ARSG: variants seen among roughly 807,000 people sequenced by gnomAD.
ARSG encodes the protein arylsulfatase G.
A neutral mutation model predicts 50.5 loss-of-function variants in ARSG; 37 were observed. That is an observed-to-expected ratio of 0.73 (90% CI 0.56 to 0.96). The LOEUF (loss-of-function observed/expected upper bound fraction) is 0.96. Ranked by LOEUF, ARSG falls within the 50% of genes least tolerant of loss-of-function variation. The probability of loss-of-function intolerance (pLI) is 0.00; values close to 1 mark genes in which losing one functional copy is unlikely to be tolerated. For synonymous variants in ARSG, 225 were observed against 254.6 expected, an observed-to-expected ratio of 0.88 and a Z score of 1.11; for missense variants, 629 against 675.3, an observed-to-expected ratio of 0.93 and a Z score of 0.76.
the ARSG span, chr17:68,436,550 T>C: frequency 1.4e-6 from 2 of 1,436,716 alleles, no homozygotes; most frequent in Admixed American, 3.5e-5. Flanking sequence ...AGAGGGCATC[T>C]GAAAACAGTA....
intron 1 of ARSG, among the ~76,000 whole-genome samples, chr17:68,280,937 C>A (rs550869821): frequency 5.3e-5 from 8 of 152,130 alleles, no homozygotes; most frequent in African/African-American, 1.9e-4. Context: ...CCAGCCTGGG[C>A]AACATGGTGA....
chr17:68,315,547 A>G (rs1279061015), intron 2 of ARSG, among the ~76,000 whole-genome samples: 2 of 151,906 alleles, frequency 1.3e-5, no homozygotes, highest in Non-Finnish European at 2.9e-5. Context: ...GGAGATTGGA[A>G]TCTCATCATT....
the ARSG span, chr17:68,440,942 C>T: frequency 6.6e-6 from 1 of 152,226 alleles, no homozygotes; most frequent in Non-Finnish European, 1.5e-5. Flanking sequence ...ATGCCCTATG[C>T]TCCTACAAAA....
upstream of ARSG, among the ~76,000 whole-genome samples, chr17:68,290,752 G>T (rs1159028800): frequency 6.6e-6 from 1 of 152,164 alleles, no homozygotes; most frequent in African/African-American, 2.4e-5. Context: ...TGGAGCCCCC[G>T]ACTCTTCCGA....
rs1475127227 is a variant in ARSG, at chr17:68,406,941, G to A, written c.1303+5491G>A. On this transcript the variant is annotated intron_variant, in intron 11 of 11. Coordinates refer to ENST00000621439, the MANE Select transcript of ARSG (RefSeq NM_001267727.2). ...TTGGGTTCTTGTTCATGAAATCCTT[G>A]CCTAAGCCAATGTCTAGAAGGGCTT... Among the ~76,000 whole-genome samples the A allele has an allele frequency of 2.6e-5, 4 of 152,258 alleles. No homozygotes were observed. The East Asian group carries it at 7.7e-4, about 29-fold the overall frequency.
chr17:68,270,992 T>C (rs1479621200), intron 1 of ARSG: 3 of 1,613,986 alleles, frequency 1.9e-6, no homozygotes, highest in Middle Eastern at 1.6e-4. Context: ...CCAAAAAATA[T>C]GCTGCATGAC....
rs535436471 is a variant in ARSG at position 68,404,288 on chromosome 17, T to A, written c.1303+2838T>A. On this transcript the variant is annotated intron_variant, in intron 11 of 11. Transcript: ENST00000621439. ...AGATCCTTGAGGAATCGCCACACTGTCTTCCTCAATGGTTGAACTAGTTTA... is the reference window on the plus strand; with the variant it reads ...AGATCCTTGAGGAATCGCCACACTGACTTCCTCAATGGTTGAACTAGTTTA... Among the ~76,000 whole-genome samples, 64 of 152,292 alleles carry A rather than the reference T, an allele frequency of 4.2e-4. No homozygotes were observed. In the South Asian group the frequency reaches 0.013, roughly 30 times the overall value.
chr17:68,261,530 C>T (rs1388085568), intron 1 of ARSG, among the ~76,000 whole-genome samples: 1 of 152,114 alleles, frequency 6.6e-6, no homozygotes, highest in African/African-American at 2.4e-5. Flanking sequence ...CAGGCATGTG[C>T]CACCATGCCT....
intron 1 of ARSG, among the ~76,000 whole-genome samples, chr17:68,286,227 C>T (rs2075839442): frequency 6.6e-6 from 1 of 152,172 alleles, no homozygotes. Flanking sequence ...TGCCCCTTTC[C>T]TCTCTTCCCT....
chr17:68,421,619 G>A (rs1169700316), downstream of ARSG: 2 of 1,017,810 alleles, frequency 2.0e-6, no homozygotes, highest in Non-Finnish European at 3.0e-6. Flanking sequence ...GCTTGGTGAG[G>A]AGTTAACCAG....
intron 2 of ARSG, among the ~76,000 whole-genome samples, chr17:68,314,937 G>A (rs1443798617): frequency 6.6e-6 from 1 of 152,222 alleles, no homozygotes; most frequent in African/African-American, 2.4e-5. Flanking sequence ...TATGCTGGCT[G>A]TGCATTGGGG....
At chr17:68,398,137 A>G (rs888681677) in intron 10 of ARSG, among the ~76,000 whole-genome samples, 2 of 152,204 alleles carry the variant, frequency 1.3e-5, no homozygotes, top group Non-Finnish European at 2.9e-5. Context: ...ACATACATGC[A>G]TACATATGTA....
chr17:68,444,406 G>T, the ARSG span: 1 of 1,261,098 alleles, frequency 7.9e-7, no homozygotes, highest in Non-Finnish European at 1.1e-6. Flanking sequence ...ACTGCTTCAC[G>T]TTCGCAATTT....
intron 1 of ARSG, chr17:68,270,846 G>T (rs1555748243): frequency 6.2e-7 from 1 of 1,606,394 alleles, no homozygotes; most frequent in South Asian, 1.1e-5. Flanking sequence ...TACCTGCAAG[G>T]GGCGGTCCAG....
At position 68,412,448 on chromosome 17, in the gene ARSG, C is replaced by T. The variant is rs932613740; in HGVS notation, c.1304-7741C>T. On this transcript the variant is annotated intron_variant, in intron 11 of 11. Transcript: ENST00000621439. ...TTCTTTGAGAATGTTGAATATTGGC[C>T]CCCACTCTCTTCTGGCTTGTAGAGT... Among the ~76,000 whole-genome samples the T allele has an allele frequency of 4.2e-3, 646 of 152,198 alleles. 6 individuals carry two copies. The highest frequency in any genetic ancestry group is 0.015 in the African/African-American group (624 of 41,518).
chr17:68,392,467 C>G (rs1195469382), intron 9 of ARSG, among the ~76,000 whole-genome samples: 1 of 152,162 alleles, frequency 6.6e-6, no homozygotes, highest in African/African-American at 2.4e-5. Flanking sequence ...CGGATGCTCT[C>G]ATTTTTTCAA....
chr17:68,265,079 A>C (rs142087543), intron 1 of ARSG, among the ~76,000 whole-genome samples: 5,308 of 149,104 alleles, frequency 0.036, 308 homozygotes, highest in African/African-American at 0.12. Context: ...ACTTGAACCC[A>C]GGAGGTGGAG....
At chr17:68,318,774 A>G (rs2077170207) in intron 2 of ARSG, among the ~76,000 whole-genome samples, 1 of 152,164 alleles carries the variant, frequency 6.6e-6, no homozygotes, top group Non-Finnish European at 1.5e-5. Context: ...GCTAGGAGTT[A>G]CGGGCAGTGG....
chr17:68,356,564 A>C (rs1387656202), intron 5 of ARSG, 103 bp from the exon 6 acceptor site: 20 of 1,337,146 alleles, frequency 1.5e-5, no homozygotes, highest in Non-Finnish European at 1.7e-5. Context: ...TTGGGGCCAG[A>C]GTGTTGTATT....
Sources: allele counts gnomAD v4.1 joint callset (sites outside exome capture counted in the v4.1 genomes callset), GRCh38; gene constraint gnomAD v4.1.1; transcripts MANE v1.5; gene names NCBI Gene and HGNC (gene_info 2026-07-23, HGNC 2026-07-21).